PTK2: variants seen among roughly 807,000 people sequenced by gnomAD.
PTK2 encodes protein tyrosine kinase 2.
PTK2 carries 45 observed loss-of-function variants against 150.1 expected under a neutral mutation model. The observed-to-expected ratio is 0.30, with a 90% CI of 0.24 to 0.38. The LOEUF (loss-of-function observed/expected upper bound fraction) is 0.38. Among genes scored for constraint, PTK2 ranks in the 10% least tolerant of loss-of-function variants. The probability of loss-of-function intolerance (pLI) is 1.00; values close to 1 mark genes in which losing one functional copy is unlikely to be tolerated. For synonymous variants in PTK2, 432 were observed against 449.2 expected (o/e 0.96, Z 0.48); for missense variants, 919 against 1,307.3 (o/e 0.70, Z 4.58).
intron 3 of PTK2, among the ~76,000 whole-genome samples, chr8:140,888,527 A>T (rs1469826772): frequency 6.6e-6 from 1 of 152,228 alleles, no homozygotes; most frequent in Non-Finnish European, 1.5e-5. Flanking sequence ...GATCAGATTG[A>T]TCTTCACAAG....
chr8:140,815,318 A>G (rs2154601424), intron 10 of PTK2, among the ~76,000 whole-genome samples: 1 of 152,310 alleles, frequency 6.6e-6, no homozygotes, highest in Admixed American at 6.5e-5. Flanking sequence ...ATAGAAAACT[A>G]AATACTGCAT....
chr8:140,743,114 A>G lies in PTK2; in HGVS notation c.1735+116T>C, dbSNP rs1049011920. Reference sequence around the variant, plus strand: ...TGCTGAGAAGGCTGTCGCTTCCTCCATTTAGTTGATTTTATATCTCTGTCA... The same window carrying G: ...TGCTGAGAAGGCTGTCGCTTCCTCCGTTTAGTTGATTTTATATCTCTGTCA... On this transcript the variant is annotated intron_variant, in intron 20 of 31. Coordinates refer to ENST00000522684, the Ensembl canonical transcript of PTK2. 7.1e-6 allele frequency: 5 copies of G among 705,148 alleles called. No individual in the cohort carries two copies. In the African/African-American group the frequency reaches 8.9e-5, roughly 13 times the overall value. The allele number at this position is 705,148 out of a possible 1,614,324, so 43.7% of individuals were successfully genotyped here. A position where few individuals can be genotyped will look rare whatever the true frequency, so the allele number is the denominator to read the frequency against.
chr8:140,951,639 C>T (rs926835939), intron 1 of PTK2, among the ~76,000 whole-genome samples: 4 of 152,154 alleles, frequency 2.6e-5, no homozygotes, highest in African/African-American at 9.7e-5. Context: ...TCCCAGCATT[C>T]TGGAAGGCTG....
intron 27 of PTK2, among the ~76,000 whole-genome samples, chr8:140,679,700 A>G (rs1237558260): frequency 1.3e-5 from 2 of 152,232 alleles, no homozygotes; most frequent in African/African-American, 4.8e-5. Flanking sequence ...CCTGTGTATT[A>G]AAGTCTAAAT....
intron 27 of PTK2, among the ~76,000 whole-genome samples, chr8:140,684,530 T>C (rs541604271): frequency 6.6e-6 from 1 of 152,318 alleles, no homozygotes; most frequent in East Asian, 1.9e-4. Flanking sequence ...GGGTACAAAA[T>C]CAATGTACAA....
chr8:140,937,827 T>C (rs558517946), intron 1 of PTK2, among the ~76,000 whole-genome samples: 4 of 152,138 alleles, frequency 2.6e-5, no homozygotes, highest in African/African-American at 9.7e-5. Flanking sequence ...TGGCTGCACG[T>C]CTGTAGTCCC....
chr8:140,803,877 C>T (rs2100096749), intron 10 of PTK2, among the ~76,000 whole-genome samples: 1 of 152,052 alleles, frequency 6.6e-6, no homozygotes, highest in African/African-American at 2.4e-5. Context: ...GCTGAGGAGA[C>T]CCATACATGA....
intron 22 of PTK2, among the ~76,000 whole-genome samples, chr8:140,729,596 T>C (rs530240700): frequency 5.9e-5 from 9 of 152,262 alleles, no homozygotes; most frequent in Admixed American, 2.6e-4. Flanking sequence ...CCATTCCTTT[T>C]AAGGACTTTG....
exon 22 of PTK2, chr8:140,735,380 C>A (rs767843214): frequency 1.2e-6 from 2 of 1,613,940 alleles, no homozygotes; most frequent in Non-Finnish European, 1.7e-6. Context: ...ATTTTCAATT[C>A]GACCGATTAC....
intron 4 of PTK2, among the ~76,000 whole-genome samples, chr8:140,865,529 C>T (rs1055350000): frequency 2.0e-5 from 3 of 152,110 alleles, no homozygotes; most frequent in Non-Finnish European, 2.9e-5. Flanking sequence ...TTTTTAACCA[C>T]TCAATAAAAT....
At position 140,829,525 on chromosome 8, in the gene PTK2, C is replaced by T. The variant is rs184988414; in HGVS notation, c.648+947G>A. The stretch of plus-strand genomic sequence containing the variant: ...ATCTCGTGTTAGAAATGGATTTTAT[C>T]CCCATTTTACGGATGTGTAAACTGA... On this transcript the variant is annotated intron_variant, in intron 8 of 31. Transcript: ENST00000522684. Among the ~76,000 whole-genome samples the T allele has an allele frequency of 3.0e-3, 454 of 152,248 alleles. 4 individuals are homozygous for T. The highest frequency in any genetic ancestry group is 0.021 in the Middle Eastern group (6 of 292).
intron 26 of PTK2, among the ~76,000 whole-genome samples, chr8:140,690,109 C>T (rs1457193528): frequency 2.0e-5 from 3 of 152,136 alleles, no homozygotes; most frequent in Admixed American, 2.0e-4. Context: ...TCCGCCACCA[C>T]GCCCGGCTAA....
intron 1 of PTK2, among the ~76,000 whole-genome samples, chr8:141,000,619 T>G (rs1420759523): frequency 8.6e-6 from 1 of 116,118 alleles, no homozygotes; most frequent in Non-Finnish European, 1.9e-5. Context: ...CCCGGCCTCC[T>G]CGTCTTCCTC....
chr8:140,830,416 G>T (rs978192116), intron 8 of PTK2, 56 bp downstream of exon 8: 15 of 1,181,712 alleles, frequency 1.3e-5, no homozygotes, highest in Non-Finnish European at 1.7e-5. Flanking sequence ...TACCACTGGG[G>T]AAAAGGTCTT....
chr8:140,830,676 G>T, intron 7 of PTK2, 150 bp from the exon 8 acceptor site: 1 of 520,632 alleles, frequency 1.9e-6, no homozygotes, highest in Non-Finnish European at 3.3e-6. Context: ...TAATTTACCA[G>T]TATATTCACA....
chr8:140,902,167 G>A (rs1330967806), intron 2 of PTK2, among the ~76,000 whole-genome samples: 7 of 152,154 alleles, frequency 4.6e-5, no homozygotes, highest in Admixed American at 4.6e-4. Context: ...CTGGGTAGCT[G>A]GGATTACAGG....
chr8:140,787,890 C>T (rs904494134), intron 14 of PTK2, among the ~76,000 whole-genome samples: 4 of 152,214 alleles, frequency 2.6e-5, no homozygotes, highest in Admixed American at 2.6e-4. Flanking sequence ...CAAATCTCAC[C>T]TACTCTACAG....
intron 21 of PTK2, among the ~76,000 whole-genome samples, chr8:140,738,757 A>G (rs1263316419): frequency 6.6e-6 from 1 of 152,208 alleles, no homozygotes; most frequent in Non-Finnish European, 1.5e-5. Context: ...AAGAAGAGAC[A>G]GCAAAGGGGA....
chr8:140,747,169 C>G (rs1203605991), intron 17 of PTK2: 1 of 223,718 alleles, frequency 4.5e-6, no homozygotes, highest in Non-Finnish European at 8.8e-6. Context: ...GGATTACAGG[C>G]GTGAGCCACC....
Sources: allele counts gnomAD v4.1 joint callset (sites outside exome capture counted in the v4.1 genomes callset), GRCh38; gene constraint gnomAD v4.1.1; transcripts MANE v1.5; gene names NCBI Gene and HGNC (gene_info 2026-07-23, HGNC 2026-07-21).